Variants in XRCC6 observed in about 807,000 individuals in gnomAD.
XRCC6 encodes the protein DNA repair protein Ku70.
XRCC6 carries 5 observed loss-of-function variants against 65.7 expected under a neutral mutation model. That is an observed-to-expected ratio of 0.08 (90% CI 0.04 to 0.16). The LOEUF is 0.16. XRCC6 is among the 10% of genes least tolerant of loss of function. The probability of loss-of-function intolerance (pLI) is 1.00; values close to 1 mark genes in which losing one functional copy is unlikely to be tolerated. For synonymous variants in XRCC6, 270 were observed against 270.6 expected (o/e 1.00, Z 0.02); for missense variants, 447 against 738.1 (o/e 0.61, Z 4.57).
intron 4 of XRCC6, 93 bp from the exon 5 acceptor site, chr22:41,636,423 G>A (rs1329472522): frequency 6.5e-7 from 1 of 1,538,210 alleles, no homozygotes; most frequent in Non-Finnish European, 8.8e-7. Context: ...CAGCTCTGGG[G>A]TGAAAAAGGG....
At chr22:41,637,845 C>A in intron 6 of XRCC6, 54 bp downstream of exon 6, 1 of 1,559,514 alleles carries the variant, frequency 6.4e-7, no homozygotes, top group South Asian at 1.2e-5. Flanking sequence ...CAGAAGCAGG[C>A]TGGGCGCGGT....
rs1420601304 is a variant in XRCC6, at chr22:41,628,191, G to C, written c.156G>C (p.Gln52His). The change falls in exon 3 of 13, where the codon CAG (glutamine) becomes CAC (histidine). Residue 52 changes from glutamine (Q) to histidine (H), a missense_variant. Around this residue, in one of 4 missense-constraint regions of XRCC6, gnomAD observed 228 missense variants for 307.4 expected, o/e 0.74. Transcript: ENST00000360079. The stretch of plus-strand genomic sequence containing the variant: ...CCTCCAAGGCTATGTTTGAATCTCA[G>C]AGTGAAGATGAGTTGACACCTTTTG... ...VDASKAMFES[Q>H]SEDELTPFDM... 2 of 1,613,676 alleles carry C rather than the reference G, an allele frequency of 1.2e-6. No homozygotes were observed. Among genetic ancestry groups the C allele is most frequent in the Admixed American group, 1.7e-5 (1 of 59,932 alleles).
rs1345336339 is a variant in XRCC6 at position 41,658,249 on chromosome 22, C to T, written c.1422-3C>T. The T allele has an allele frequency of 7.4e-6, 12 of 1,612,842 alleles. No individual in the cohort carries two copies. The Admixed American group carries it at 2.0e-4, about 27-fold the overall frequency. On this transcript the variant is annotated splice_polypyrimidine_tract_variant and splice_region_variant and intron_variant, in intron 10 of 12. Coordinates refer to ENST00000360079, the MANE Select transcript of XRCC6 (RefSeq NM_001469.5). ...CAGTTGAGTTACATTATTGTTTTAA[C>T]AGAAGTGACAGCTTTGAGAACCCCG...
At chr22:41,632,222 G>T (rs2067763313) in intron 3 of XRCC6, among the ~76,000 whole-genome samples, 1 of 152,192 alleles carries the variant, frequency 6.6e-6, no homozygotes, top group Admixed American at 6.5e-5. Flanking sequence ...ACTTCGTAGA[G>T]AAGAATTTTC....
In XRCC6 at chr22:41,624,722, G is replaced by T. The variant is rs904145206; in HGVS notation, c.82+2636G>T. Among the ~76,000 whole-genome samples the T allele has an allele frequency of 2.0e-5, 3 of 150,498 alleles. No homozygotes were observed. In the Admixed American group the frequency reaches 2.0e-4, roughly 10 times the overall value. ...ATAATAAAATAAAAAATAAGGCCGG[G>T]CGCGGTGGCTCACACCTGTAATCCC... On this transcript the variant is annotated intron_variant, in intron 2 of 12. Transcript: ENST00000360079.
intron 6 of XRCC6, among the ~76,000 whole-genome samples, chr22:41,640,005 TACTCA>T (rs2067858081): frequency 6.6e-6 from 1 of 151,912 alleles, no homozygotes; most frequent in South Asian, 2.1e-4. Flanking sequence ...TCCTAAAGGT[TACTCA>T]TTGTTTCTTC....
At chr22:41,631,847 T>C (rs912729886) in intron 3 of XRCC6, among the ~76,000 whole-genome samples, 1 of 152,102 alleles carries the variant, frequency 6.6e-6, no homozygotes, top group Non-Finnish European at 1.5e-5. Context: ...CATTGAGCAC[T>C]GAGTGAACCA....
rs761339453 is a variant in XRCC6, at chr22:41,663,841, T to C, written c.*26T>C. On this transcript the variant is annotated 3_prime_UTR_variant, in exon 13 of 13. Coordinates refer to ENST00000360079, the MANE Select transcript of XRCC6 (RefSeq NM_001469.5). ...CCAGAGGCCGCGCGTCCAGCTGCCC[T>C]TCCGCAGTGTGGCCAGGCTGCCTGG... The C allele has an allele frequency of 1.2e-6, 2 of 1,600,836 alleles. No individual in the cohort carries two copies. Among genetic ancestry groups the C allele is most frequent in the Non-Finnish European group, 8.5e-7 (1 of 1,170,912 alleles).
intron 5 of XRCC6, 53 bp from the exon 6 acceptor site, chr22:41,637,555 C>A: frequency 7.0e-7 from 1 of 1,437,514 alleles, no homozygotes; most frequent in South Asian, 1.4e-5. Context: ...AAGAACTTCT[C>A]ACTTGCTGAA....
At chr22:41,635,542 T>A (rs1469573151) in intron 3 of XRCC6, among the ~76,000 whole-genome samples, 2 of 152,182 alleles carry the variant, frequency 1.3e-5, no homozygotes, top group South Asian at 2.1e-4. Context: ...CTCTGATACT[T>A]CTTTTCCTTT....
At chr22:41,652,804 G>C (rs534484860) in intron 8 of XRCC6, among the ~76,000 whole-genome samples, 1 of 152,226 alleles carries the variant, frequency 6.6e-6, no homozygotes, top group South Asian at 2.1e-4. Flanking sequence ...CTCCCAAGTA[G>C]CTGGGACTAC....
intron 6 of XRCC6, among the ~76,000 whole-genome samples, chr22:41,639,966 G>T (rs1323602904): frequency 2.6e-5 from 4 of 151,240 alleles, no homozygotes; most frequent in Admixed American, 2.6e-4. Context: ...CCTAGATTCT[G>T]TTTTTTTTAG....
intron 6 of XRCC6, among the ~76,000 whole-genome samples, chr22:41,643,408 C>CA: frequency 6.6e-6 from 1 of 151,960 alleles, no homozygotes; most frequent in Middle Eastern, 3.4e-3. Context: ...GACTCCATCT[C>CA]AAAAACAAAA....
chr22:41,656,837 G>C (rs2068049482), intron 9 of XRCC6, 66 bp from the exon 10 acceptor site: 1 of 1,605,092 alleles, frequency 6.2e-7, no homozygotes, highest in African/African-American at 1.3e-5. Flanking sequence ...GAAGAATTTG[G>C]AGCTGAGAAA....
At chr22:41,655,996 TG>T (rs1471758798) in intron 9 of XRCC6, among the ~76,000 whole-genome samples, 2 of 151,554 alleles carry the variant, frequency 1.3e-5, no homozygotes, top group East Asian at 3.9e-4. Context: ...TGGGAGGCTG[TG>T]GCAGGTGGAT....
intron 12 of XRCC6, among the ~76,000 whole-genome samples, chr22:41,662,518 C>T (rs1601560883): frequency 1.3e-5 from 2 of 152,266 alleles, no homozygotes; most frequent in East Asian, 1.9e-4. Flanking sequence ...TTTATATCCA[C>T]ACTTACCTAT....
rs937641717 is a variant in XRCC6 at position 41,653,610 on chromosome 22, G to A, written c.1211G>A (p.Arg404Lys). 1 of 1,613,970 alleles carries A rather than the reference G, an allele frequency of 6.2e-7. No individual in the cohort carries two copies. Among genetic ancestry groups the A allele is most frequent in the African/African-American group, 1.3e-5 (1 of 74,882 alleles). ...VAALCRYTPRRNIPPYFVALV... is the reference protein window; with the variant it reads ...VAALCRYTPRKNIPPYFVALV... Reference sequence around the variant, plus strand: ...GCATTGTGCAGATACACACCCCGCAGGAACATCCCTCCTTATTTTGTGGCT... The same window carrying A: ...GCATTGTGCAGATACACACCCCGCAAGAACATCCCTCCTTATTTTGTGGCT... The change falls in exon 9 of 13, where the codon AGG becomes AAG. Residue 404 changes from arginine to lysine, a missense_variant. This residue lies in a region of XRCC6 where 201 missense variants were observed against 374.1 expected (regional missense o/e 0.54). Transcript: ENST00000360079.
intron 11 of XRCC6, among the ~76,000 whole-genome samples, chr22:41,659,100 A>T (rs577458606): frequency 4.6e-5 from 7 of 151,986 alleles, no homozygotes; most frequent in African/African-American, 1.7e-4. Flanking sequence ...CCGCCCGGCT[A>T]ATTTTTGTAT....
chr22:41,653,525 C>G lies in XRCC6; in HGVS notation c.1130-4C>G, dbSNP rs753671065. Reference sequence around the variant, plus strand: ...GGCTAGTCACTGGGCTTTTTGTTTTCTAGGGAGCTCAACCCTGTTCAGTGC... The same window carrying G: ...GGCTAGTCACTGGGCTTTTTGTTTTGTAGGGAGCTCAACCCTGTTCAGTGC... On this transcript the variant is annotated splice_polypyrimidine_tract_variant and splice_region_variant and intron_variant, in intron 8 of 12. Coordinates refer to ENST00000360079, the MANE Select transcript of XRCC6 (RefSeq NM_001469.5). 7 of 1,568,294 alleles carry G rather than the reference C, an allele frequency of 4.5e-6. No homozygotes were observed. The African/African-American group carries it at 6.8e-5, about 15-fold the overall frequency.
Sources: gnomAD v4.1 joint callset for allele counts (sites outside exome capture counted in the v4.1 genomes callset) on GRCh38, gnomAD v4.1.1 for gene constraint, gnomAD v4.1.1 regional missense constraint, MANE v1.5 for transcripts, NCBI Gene and HGNC (gene_info 2026-07-23, HGNC 2026-07-21) for gene names.